Variants in PLCG2 observed in about 807,000 individuals in gnomAD.
PLCG2 encodes phospholipase C gamma 2.
A neutral mutation model predicts 175.6 loss-of-function variants in PLCG2; 69 were observed. The ratio of observed to expected loss-of-function variants is 0.39; its 90% confidence interval spans 0.32 to 0.48. PLCG2 has a LOEUF of 0.48. Ranked by LOEUF, PLCG2 falls within the 20% of genes least tolerant of loss-of-function variation. The pLI, the probability that PLCG2 is intolerant of heterozygous loss-of-function variation, is 0.91. For synonymous variants in PLCG2, 827 were observed against 624.0 expected (o/e 1.33, Z -4.85); for missense variants, 1,798 against 1,650.9 (o/e 1.09, Z -1.54).
intron 2 of PLCG2, among the ~76,000 whole-genome samples, chr16:81,852,605 G>T (rs1906475216): frequency 6.6e-6 from 1 of 152,198 alleles, no homozygotes; most frequent in Non-Finnish European, 1.5e-5. Context: ...TTGACCAGGA[G>T]TAGATGGAGT....
chr16:81,948,612 T>TCCAGGACTG (rs1176466914), intron 31 of PLCG2, among the ~76,000 whole-genome samples: 1 of 152,142 alleles, frequency 6.6e-6, no homozygotes, highest in African/African-American at 2.4e-5. Context: ...ATCCTGGAGG[T>TCCAGGACTG]CCAGGACTGG....
intron 25 of PLCG2, among the ~76,000 whole-genome samples, chr16:81,933,651 C>G (rs935540775): frequency 5.3e-5 from 8 of 151,718 alleles, no homozygotes; most frequent in Non-Finnish European, 7.4e-5. Flanking sequence ...AGATAATTCT[C>G]CCTGTCAGGG....
intron 2 of PLCG2, among the ~76,000 whole-genome samples, chr16:81,850,993 C>T (rs1000047834): frequency 1.3e-5 from 2 of 152,170 alleles, no homozygotes; most frequent in African/African-American, 4.8e-5. Context: ...TGGATGGGGT[C>T]CCCACTTGTT....
chr16:81,826,045 C>A (rs190525502), intron 2 of PLCG2, among the ~76,000 whole-genome samples: 2 of 152,290 alleles, frequency 1.3e-5, no homozygotes, highest in East Asian at 3.9e-4. Context: ...GTAAATATTT[C>A]AAACTCAACG....
chr16:81,810,261 C>T (rs751477941), intron 2 of PLCG2, among the ~76,000 whole-genome samples: 21 of 152,206 alleles, frequency 1.4e-4, no homozygotes, highest in African/African-American at 1.9e-4. Flanking sequence ...GCTGGGATTA[C>T]GGTGTGAGCC....
intron 14 of PLCG2, among the ~76,000 whole-genome samples, chr16:81,904,106 A>G (rs1282771393): frequency 1.3e-5 from 2 of 152,128 alleles, no homozygotes; most frequent in African/African-American, 4.8e-5. Context: ...TGCTGAGGAA[A>G]TTATTCAAGG....
rs1374379161 is a variant in PLCG2 at position 81,935,577 on chromosome 16, C to T, written c.2843-592C>T. ...AGACAATACTAGACCCCTCAGTTAACTTACCGGGAGGCCAGTCCCTAGGAA... is the reference window on the plus strand; with the variant it reads ...AGACAATACTAGACCCCTCAGTTAATTTACCGGGAGGCCAGTCCCTAGGAA... On this transcript the variant is annotated intron_variant, in intron 26 of 32. Coordinates refer to ENST00000564138, the MANE Select transcript of PLCG2 (RefSeq NM_002661.5). 4.1e-6 allele frequency: 4 copies of T among 985,234 alleles called. No homozygotes were observed. In the African/African-American group the frequency reaches 7.0e-5, roughly 17 times the overall value. 61.0% of individuals were successfully genotyped at this position (985,234 alleles called of 1,614,324 possible). A position where few individuals can be genotyped will look rare whatever the true frequency, so the allele number is the denominator to read the frequency against.
chr16:81,790,357 T>C (rs1181432693), intron 2 of PLCG2, among the ~76,000 whole-genome samples: 1 of 152,220 alleles, frequency 6.6e-6, no homozygotes, highest in Non-Finnish European at 1.5e-5. Flanking sequence ...GTGGAGGTCC[T>C]GTTTGCAATG....
intron 3 of PLCG2, among the ~76,000 whole-genome samples, chr16:81,857,035 A>G (rs566988044): frequency 1.1e-4 from 16 of 152,334 alleles, no homozygotes; most frequent in Admixed American, 5.9e-4. Flanking sequence ...CAACCAGTCT[A>G]TTTTAGACTT....
At chr16:81,804,819 G>C (rs1192935813) in intron 2 of PLCG2, among the ~76,000 whole-genome samples, 1 of 152,194 alleles carries the variant, frequency 6.6e-6, no homozygotes, top group African/African-American at 2.4e-5. Flanking sequence ...ATGTCATTGG[G>C]AAGTGCTGCT....
At chr16:81,889,698 A>T (rs1908541233) in intron 10 of PLCG2, among the ~76,000 whole-genome samples, 1 of 152,132 alleles carries the variant, frequency 6.6e-6, no homozygotes. Flanking sequence ...TCTGTCACCC[A>T]GCCTGGAGTG....
intron 2 of PLCG2, among the ~76,000 whole-genome samples, chr16:81,801,641 C>G (rs1911723946): frequency 6.6e-6 from 1 of 152,058 alleles, no homozygotes; most frequent in African/African-American, 2.4e-5. Context: ...AAAAACCTAT[C>G]TCCCATTTTT....
Position 81,941,053 on chromosome 16 carries a change from A to G in PLCG2, c.3481+994A>G, listed in dbSNP as rs1278499382. On this transcript the variant is annotated intron_variant, in intron 30 of 32. Coordinates refer to ENST00000564138, the MANE Select transcript of PLCG2 (RefSeq NM_002661.5). ...GATGACTGTCATTTTAGTTACTTAC[A>G]TAAAAAAATACAGTCTTTTGATATT... 5.3e-5 allele frequency among the ~76,000 whole-genome samples: 8 copies of G among 152,208 alleles called. No individual in the cohort carries two copies. In the East Asian group the frequency reaches 1.5e-3, roughly 29 times the overall value.
intron 5 of PLCG2, among the ~76,000 whole-genome samples, chr16:81,860,175 T>TTA (rs1567503036): frequency 0.062 from 5,512 of 89,090 alleles, 111 homozygotes; most frequent in African/African-American, 0.11. Flanking sequence ...TATTATTATT[T>TTA]TTTTTTTTTT....
At chr16:81,893,451 C>G (rs1437918093) in intron 11 of PLCG2, among the ~76,000 whole-genome samples, 1 of 152,210 alleles carries the variant, frequency 6.6e-6, no homozygotes, top group East Asian at 1.9e-4. Context: ...AGAACACGTC[C>G]TCTCCACGCT....
chr16:81,784,302 T>A (rs11866195), intron 1 of PLCG2, among the ~76,000 whole-genome samples: 1 of 151,692 alleles, frequency 6.6e-6, no homozygotes, highest in Non-Finnish European at 1.5e-5. Flanking sequence ...CCCCAATGGC[T>A]GATTAATGCT....
intron 25 of PLCG2, among the ~76,000 whole-genome samples, chr16:81,932,586 A>C (rs1383514709): frequency 1.3e-5 from 2 of 152,166 alleles, no homozygotes; most frequent in African/African-American, 4.8e-5. Flanking sequence ...CCTCCAAGAT[A>C]GTCACCCACC....
At chr16:81,803,545 T>C (rs1193645344) in intron 2 of PLCG2, among the ~76,000 whole-genome samples, 2 of 106,360 alleles carry the variant, frequency 1.9e-5, no homozygotes, top group African/African-American at 3.0e-5. Context: ...CTTTTCTTTC[T>C]TTCCTTTCTT....
At chr16:81,921,322 G>A (rs1189322847) in intron 21 of PLCG2, 53 bp downstream of exon 21, 3 of 1,144,704 alleles carry the variant, frequency 2.6e-6, no homozygotes, top group East Asian at 4.7e-5. Flanking sequence ...AGGCTGATGT[G>A]GATTCCATCT....
Sources: gnomAD v4.1 joint callset for allele counts (sites outside exome capture counted in the v4.1 genomes callset) on GRCh38, gnomAD v4.1.1 for gene constraint, MANE v1.5 for transcripts, NCBI Gene and HGNC (gene_info 2026-07-23, HGNC 2026-07-21) for gene names.